DLGAP1: variants seen among roughly 807,000 people sequenced by gnomAD.
The protein encoded by DLGAP1 is disks large-associated protein 1.
In DLGAP1, 11 loss-of-function variants were observed where a neutral mutation model predicts 90.8. The ratio of observed to expected loss-of-function variants is 0.12; its 90% CI spans 0.08 to 0.20. DLGAP1 has a LOEUF of 0.20. DLGAP1 is among the 10% of genes least tolerant of loss of function. DLGAP1 has a pLI of 1.00. For synonymous variants in DLGAP1, 558 were observed against 540.7 expected, an observed-to-expected ratio of 1.03 and a Z score of -0.44; for missense variants, 1,050 against 1,333.8, an observed-to-expected ratio of 0.79 and a Z score of 3.31.
chr18:3,827,286 C>G (rs1209774093), intron 4 of DLGAP1, among the ~76,000 whole-genome samples: 2 of 152,122 alleles, frequency 1.3e-5, no homozygotes, highest in Non-Finnish European at 2.9e-5. Flanking sequence ...CATGTCCACT[C>G]AGCATTGCTC....
At chr18:3,903,076 C>A (rs1487182088) in intron 3 of DLGAP1, among the ~76,000 whole-genome samples, 2 of 152,204 alleles carry the variant, frequency 1.3e-5, no homozygotes, top group Non-Finnish European at 2.9e-5. Context: ...GCCCTGTACT[C>A]TCTTTTCAAT....
rs752348526 is a variant in DLGAP1, at chr18:4,318,060, C to G, written c.-267+136946G>C. On this transcript the variant is annotated intron_variant, in intron 1 of 12. Coordinates refer to ENST00000315677, the MANE Select transcript of DLGAP1 (RefSeq NM_004746.4). Reference sequence around the variant, plus strand: ...ACAGGGTTTCACCATGTTGGCCAGGCCTTCTCAGCCTCTCAAAGTGCTGGG... The same window carrying G: ...ACAGGGTTTCACCATGTTGGCCAGGGCTTCTCAGCCTCTCAAAGTGCTGGG... Among the ~76,000 whole-genome samples the G allele has an allele frequency of 9.2e-5, 14 of 152,246 alleles. No homozygotes were observed. The South Asian group carries it at 2.5e-3, about 27-fold the overall frequency.
intron 1 of DLGAP1, among the ~76,000 whole-genome samples, chr18:4,415,331 T>A (rs2082874354): frequency 6.6e-6 from 1 of 152,190 alleles, no homozygotes. Context: ...TGAATTGATT[T>A]GGCACATGTG....
chr18:3,588,216 T>C (rs1454548613), intron 7 of DLGAP1, among the ~76,000 whole-genome samples: 1 of 152,176 alleles, frequency 6.6e-6, no homozygotes, highest in African/African-American at 2.4e-5. Context: ...TCCCAGAACT[T>C]TGGGAGGCTG....
intron 8 of DLGAP1, among the ~76,000 whole-genome samples, chr18:3,568,041 G>C (rs997327461): frequency 3.9e-5 from 6 of 152,090 alleles, no homozygotes; most frequent in African/African-American, 1.4e-4. Context: ...TGAGATTACA[G>C]GTGTGTGCCA....
intron 1 of DLGAP1, among the ~76,000 whole-genome samples, chr18:4,276,095 GT>G (rs1362406324): frequency 7.7e-6 from 1 of 129,050 alleles, no homozygotes; most frequent in Non-Finnish European, 1.6e-5. Context: ...CTGAATGATA[GT>G]TTTGTCTATT....
intron 5 of DLGAP1, among the ~76,000 whole-genome samples, chr18:3,749,449 G>A (rs192910566): frequency 2.7e-4 from 41 of 152,040 alleles, no homozygotes; most frequent in South Asian, 8.3e-4. Flanking sequence ...CACTGCGCCC[G>A]GCCAACATCT....
intron 5 of DLGAP1, among the ~76,000 whole-genome samples, chr18:3,778,840 T>A (rs1041552432): frequency 6.6e-6 from 1 of 151,974 alleles, no homozygotes; most frequent in Non-Finnish European, 1.5e-5. Context: ...GAAAGGGAGA[T>A]CCTGCCCTGG....
Position 3,549,640 on chromosome 18 carries a change from T to TAC in DLGAP1, c.2058-15027_2058-15026dup, listed in dbSNP as rs745951835. Among the ~76,000 whole-genome samples, 8 of 151,968 alleles carry TAC rather than the reference T, an allele frequency of 5.3e-5. 2 individuals carry two copies. Among genetic ancestry groups the TAC allele is most frequent in the East Asian group, 1.9e-4 (1 of 5,136 alleles). On this transcript the variant is annotated intron_variant, in intron 9 of 12. Transcript: ENST00000315677. ...GCCACCACCCCTGGCCTCTTTTTCT[T>TAC]ACACACACACATACATGCACTTCCG...
At chr18:3,667,107 C>A (rs1212659643) in intron 7 of DLGAP1, among the ~76,000 whole-genome samples, 2 of 150,194 alleles carry the variant, frequency 1.3e-5, no homozygotes, top group Non-Finnish European at 3.0e-5. Flanking sequence ...GAGTCAGGGT[C>A]TCACTCTGTT....
intron 7 of DLGAP1, among the ~76,000 whole-genome samples, chr18:3,674,824 T>C (rs1291678411): frequency 1.4e-4 from 13 of 90,570 alleles, no homozygotes; most frequent in African/African-American, 4.5e-4. Flanking sequence ...CAGTACCGAG[T>C]CCACCACAAT....
intron 1 of DLGAP1, among the ~76,000 whole-genome samples, chr18:4,204,032 T>C (rs375977114): frequency 1.1e-4 from 17 of 152,320 alleles, no homozygotes; most frequent in East Asian, 5.8e-4. Context: ...AAATAACACA[T>C]GGTCCATAAT....
At position 3,497,974 on chromosome 18, in the gene DLGAP1, T is replaced by A. The variant is rs1245603011; in HGVS notation, c.*1211A>T. On this transcript the variant is annotated 3_prime_UTR_variant, in exon 13 of 13. Coordinates refer to ENST00000315677, the MANE Select transcript of DLGAP1 (RefSeq NM_004746.4). ...CATGTCTATTGGGGCAAAAATTTAT[T>A]TTAGCCATTTGACACAGGACAGAAT... is the stretch of plus-strand genomic sequence containing the variant. 6.6e-6 allele frequency: 1 copy of A among 152,218 alleles called. No homozygotes were observed. Among genetic ancestry groups the A allele is most frequent in the African/African-American group, 2.4e-5 (1 of 41,458 alleles). 9.4% of individuals were successfully genotyped at this position (152,218 alleles called of 1,614,324 possible). A position where few individuals can be genotyped will look rare whatever the true frequency, so the allele number is the denominator to read the frequency against.
At chr18:4,327,689 A>G (rs982410188) in intron 1 of DLGAP1, among the ~76,000 whole-genome samples, 7 of 152,064 alleles carry the variant, frequency 4.6e-5, no homozygotes, top group Non-Finnish European at 1.5e-5. Flanking sequence ...TTATACTCAG[A>G]ATATAGAATA....
intron 1 of DLGAP1, among the ~76,000 whole-genome samples, chr18:4,288,898 G>C (rs1399439509): frequency 6.6e-6 from 1 of 152,168 alleles, no homozygotes; most frequent in Non-Finnish European, 1.5e-5. Context: ...AATGATGCTA[G>C]AGGGAGGTCT....
chr18:4,243,072 C>T (rs369488792), intron 1 of DLGAP1, among the ~76,000 whole-genome samples: 9 of 152,160 alleles, frequency 5.9e-5, no homozygotes, highest in Non-Finnish European at 1.0e-4. Flanking sequence ...GCCCTCTCAC[C>T]GCTCTTAGAT....
chr18:3,565,757 C>T lies in DLGAP1; in HGVS notation c.2057+1733G>A, dbSNP rs1383089494. On this transcript the variant is annotated intron_variant, in intron 9 of 12. Transcript: ENST00000315677. This position sits in a 1 kb window ranked among gnomAD's most constrained non-coding sequence, Gnocchi z 4.0. ...GGCTGAGTCAGGAGAACCGCTTGAACCCAGGAGGCGGAGGTTGCAGTGAGC... is the reference window on the plus strand; with the variant it reads ...GGCTGAGTCAGGAGAACCGCTTGAATCCAGGAGGCGGAGGTTGCAGTGAGC... Among the ~76,000 whole-genome samples, 2 of 151,998 alleles carry T rather than the reference C, an allele frequency of 1.3e-5. No individual in the cohort carries two copies. Among genetic ancestry groups the T allele is most frequent in the Non-Finnish European group, 2.9e-5 (2 of 68,002 alleles).
chr18:3,541,917 AG>A (rs1159084724), intron 9 of DLGAP1, among the ~76,000 whole-genome samples: 11 of 150,648 alleles, frequency 7.3e-5, no homozygotes, highest in Admixed American at 2.6e-4. Context: ...AAAAAAAAAA[AG>A]GGGTAACAGT....
At chr18:4,418,110 T>C (rs1264171988) in intron 1 of DLGAP1, among the ~76,000 whole-genome samples, 5 of 152,140 alleles carry the variant, frequency 3.3e-5, no homozygotes, top group African/African-American at 1.2e-4. Flanking sequence ...ACCTATGGTA[T>C]ACTGAGTGAA....
Sources: gnomAD v4.1 joint callset for allele counts (sites outside exome capture counted in the v4.1 genomes callset) on GRCh38, gnomAD v4.1.1 for gene constraint, Gnocchi (gnomAD v3.1) non-coding constraint, MANE v1.5 for transcripts, NCBI Gene and HGNC (gene_info 2026-07-23, HGNC 2026-07-21) for gene names.